EFCAB6: variants seen among roughly 807,000 people sequenced by gnomAD.
EFCAB6 encodes the protein EF-hand calcium-binding domain-containing protein 6.
EFCAB6 carries 156 observed loss-of-function variants against 169.8 expected under a neutral mutation model. The observed-to-expected ratio is 0.92, with a 90% CI of 0.81 to 1.05. The LOEUF (loss-of-function observed/expected upper bound fraction) is 1.05. Among genes scored for constraint, EFCAB6 ranks in the 50% least tolerant of loss-of-function variants. The pLI is 0.00. For synonymous variants in EFCAB6, 698 were observed against 676.4 expected (o/e 1.03, Z -0.50); for missense variants, 1,800 against 1,829.1 (o/e 0.98, Z 0.29).
intron 23 of EFCAB6, among the ~76,000 whole-genome samples, chr22:43,598,318 A>G (rs1602512001): frequency 6.7e-6 from 1 of 148,458 alleles, no homozygotes; most frequent in Non-Finnish European, 1.5e-5. Context: ...CGGGAAAAAA[A>G]AAAAAAAAAA....
rs567140616 is a variant in EFCAB6, at chr22:43,628,398, C to T, written c.2233-1719G>A. 1.8e-3 allele frequency among the ~76,000 whole-genome samples: 275 copies of T among 152,268 alleles called. No homozygotes were observed. Among genetic ancestry groups the T allele is most frequent in the Non-Finnish European group, 5.9e-4 (40 of 68,032 alleles). On this transcript the variant is annotated intron_variant, in intron 19 of 31. Coordinates refer to ENST00000262726, the MANE Select transcript of EFCAB6 (RefSeq NM_022785.4). This position sits in a 1 kb window ranked among gnomAD's most constrained non-coding sequence, Gnocchi z 4.8. ...CACCACCTCGGCCCCCACCCAAGGT[C>T]GCTGGAGTCCTGCAGGAACCTCGTG...
At chr22:43,807,641 G>A (rs1224823431) in intron 2 of EFCAB6, among the ~76,000 whole-genome samples, 1 of 152,160 alleles carries the variant, frequency 6.6e-6, no homozygotes, top group Non-Finnish European at 1.5e-5. Flanking sequence ...AAATAGAAAT[G>A]GCACCAGAAG....
rs775346716 is a variant in EFCAB6 at position 43,782,266 on chromosome 22, CGTGT to C, written c.49_52del (p.Thr17GlufsTer41). 3 of 1,614,018 alleles carry C rather than the reference CGTGT, an allele frequency of 1.9e-6. No homozygotes were observed. In the Admixed American group the frequency reaches 5.0e-5, roughly 27 times the overall value. On this transcript the variant is annotated frameshift_variant, in exon 3 of 32. Transcript: ENST00000262726. LOFTEE classifies it high-confidence loss of function. ...ATGGGGTCTTGAATGTGTAAATTTTCGTGTGTGAGGATGCGACCTAAGCCAGTCT... is the reference window on the plus strand; with the variant it reads ...ATGGGGTCTTGAATGTGTAAATTTTCGTGAGGATGCGACCTAAGCCAGTCT...
chr22:43,631,238 C>T (rs1341868556), intron 19 of EFCAB6, among the ~76,000 whole-genome samples: 2 of 151,850 alleles, frequency 1.3e-5, no homozygotes, highest in African/African-American at 2.4e-5. Flanking sequence ...CTGATACCCT[C>T]GGCCCTGTCT....
rs199999634 is a variant in EFCAB6, at chr22:43,571,616, G to GGCTC, written c.3420+4677_3420+4680dup. 7.8e-4 allele frequency among the ~76,000 whole-genome samples: 119 copies of GGCTC among 152,276 alleles called. No individual in the cohort carries two copies. In the East Asian group the frequency reaches 0.019, roughly 25 times the overall value. Reference sequence around the variant, plus strand: ...GCAGCCGCCCTGGAGGAGGCTGGCTGGCTCGCTCGCTCAGGAGTCCTCAGC... The same window carrying GGCTC: ...GCAGCCGCCCTGGAGGAGGCTGGCTGGCTCGCTCGCTCGCTCAGGAGTCCTCAGC... On this transcript the variant is annotated intron_variant, in intron 26 of 31. Transcript: ENST00000262726.
chr22:43,555,483 G>A (rs948081568), intron 26 of EFCAB6, among the ~76,000 whole-genome samples: 1 of 152,244 alleles, frequency 6.6e-6, no homozygotes, highest in Non-Finnish European at 1.5e-5. Context: ...GGAATGAACA[G>A]GGATTGGCAC....
intron 22 of EFCAB6, among the ~76,000 whole-genome samples, chr22:43,607,042 T>C (rs748754607): frequency 2.0e-5 from 3 of 152,118 alleles, no homozygotes; most frequent in Non-Finnish European, 4.4e-5. Context: ...CTGACTCACC[T>C]TCCTAAACCG....
chr22:43,785,876 A>G (rs2062058147), intron 2 of EFCAB6, among the ~76,000 whole-genome samples: 1 of 152,238 alleles, frequency 6.6e-6, no homozygotes, highest in Non-Finnish European at 1.5e-5. Context: ...CTGTATGCTA[A>G]CAAATTAGGT....
chr22:43,725,134 C>CTTT (rs33983375), intron 8 of EFCAB6, among the ~76,000 whole-genome samples: 23 of 94,680 alleles, frequency 2.4e-4, no homozygotes, highest in South Asian at 4.3e-4. Context: ...GCCAAACTGG[C>CTTT]TTTTTTTTTT....
At chr22:43,601,219 T>C (rs956389850) in intron 22 of EFCAB6, among the ~76,000 whole-genome samples, 1 of 152,250 alleles carries the variant, frequency 6.6e-6, no homozygotes, top group Non-Finnish European at 1.5e-5. Flanking sequence ...ATTGAGATTT[T>C]TCTGAATTAG....
At chr22:43,627,680 C>T (rs770063423) in intron 19 of EFCAB6, among the ~76,000 whole-genome samples, 1 of 152,170 alleles carries the variant, frequency 6.6e-6, no homozygotes, top group Non-Finnish European at 1.5e-5. Context: ...CGCCTCGTTC[C>T]ATCGGCACCT....
chr22:43,719,967 G>A (rs905303349), intron 8 of EFCAB6, among the ~76,000 whole-genome samples: 1 of 152,088 alleles, frequency 6.6e-6, no homozygotes, highest in Admixed American at 6.6e-5. Flanking sequence ...TATTATTAAC[G>A]AATAGCCACC....
intron 26 of EFCAB6, among the ~76,000 whole-genome samples, chr22:43,569,437 TAC>T (rs2049686130): frequency 1.3e-5 from 2 of 152,178 alleles, no homozygotes; most frequent in African/African-American, 4.8e-5. Context: ...ACAGATGCTC[TAC>T]AGGAAGCAGA....
intron 8 of EFCAB6, among the ~76,000 whole-genome samples, chr22:43,721,083 T>C (rs1442978199): frequency 6.6e-6 from 1 of 152,096 alleles, no homozygotes; most frequent in African/African-American, 2.4e-5. Flanking sequence ...ACATCAATAA[T>C]GTCCAGGCTG....
chr22:43,690,173 A>G (rs1214705843), intron 10 of EFCAB6, among the ~76,000 whole-genome samples: 1 of 152,044 alleles, frequency 6.6e-6, no homozygotes, highest in Non-Finnish European at 1.5e-5. Context: ...CCTCCAATGT[A>G]TTTCCATACC....
intron 17 of EFCAB6, among the ~76,000 whole-genome samples, chr22:43,655,593 G>A (rs576658884): frequency 8.0e-5 from 12 of 150,578 alleles, no homozygotes; most frequent in Admixed American, 2.0e-4. Context: ...TGAGACAGCC[G>A]GGTCAAATAG....
intron 3 of EFCAB6, among the ~76,000 whole-genome samples, chr22:43,781,371 T>C (rs1197351463): frequency 6.6e-6 from 1 of 152,222 alleles, no homozygotes; most frequent in Non-Finnish European, 1.5e-5. Context: ...ACACCCAGGC[T>C]GGAGTGCTGT....
chr22:43,712,314 AC>A (rs1183932045), intron 9 of EFCAB6, among the ~76,000 whole-genome samples: 24 of 132,434 alleles, frequency 1.8e-4, no homozygotes, highest in Admixed American at 1.1e-3. Flanking sequence ...AATATCTTCA[AC>A]CATCCCACTT....
At chr22:43,752,433 C>A (rs2060804468) in intron 6 of EFCAB6, among the ~76,000 whole-genome samples, 1 of 152,182 alleles carries the variant, frequency 6.6e-6, no homozygotes, top group African/African-American at 2.4e-5. Context: ...CTTCTCCTTT[C>A]TAACAAAACC....
Sources: allele counts gnomAD v4.1 joint callset (sites outside exome capture counted in the v4.1 genomes callset), GRCh38; gene constraint gnomAD v4.1.1; non-coding constraint Gnocchi (gnomAD v3.1); transcripts MANE v1.5; gene names NCBI Gene and HGNC (gene_info 2026-07-23, HGNC 2026-07-21).